The following LRMDA variants were observed in gnomAD, a reference collection of about 807,000 sequenced individuals.
LRMDA encodes the protein leucine rich melanocyte differentiation associated.
In LRMDA, 18 loss-of-function variants were observed where a neutral mutation model predicts 29.8. The ratio of observed to expected loss-of-function variants is 0.60; its 90% CI spans 0.42 to 0.90. The LOEUF (loss-of-function observed/expected upper bound fraction) is 0.90, where lower values mean the gene tolerates loss of function less well. LRMDA is among the 40% of genes least tolerant of loss of function. The pLI is 0.00. For missense variants in LRMDA, 273 were observed against 273.9 expected, an observed-to-expected ratio of 1.00 and a Z score of 0.02; for synonymous variants, 125 against 109.4, an observed-to-expected ratio of 1.14 and a Z score of -0.89.
At chr10:76,105,641 G>A (rs1849468665) in intron 5 of LRMDA, among the ~76,000 whole-genome samples, 1 of 152,194 alleles carries the variant, frequency 6.6e-6, no homozygotes, top group Non-Finnish European at 1.5e-5. Context: ...GCAACTGGAA[G>A]CGGCAAGGAT....
intron 2 of LRMDA, among the ~76,000 whole-genome samples, chr10:75,980,151 G>T (rs1405555497): frequency 6.6e-6 from 1 of 152,192 alleles, no homozygotes; most frequent in African/African-American, 2.4e-5. Context: ...AATTCGTGAT[G>T]GAGATTAAAG....
At chr10:75,808,159 A>G (rs1843891179) in intron 2 of LRMDA, among the ~76,000 whole-genome samples, 1 of 152,182 alleles carries the variant, frequency 6.6e-6, no homozygotes, top group Non-Finnish European at 1.5e-5. Flanking sequence ...AGAGCCGCAG[A>G]TGAGATGTCC....
chr10:75,558,219 A>T (rs1840241306), intron 2 of LRMDA, among the ~76,000 whole-genome samples: 1 of 151,422 alleles, frequency 6.6e-6, no homozygotes. Flanking sequence ...CTGCTAAAAA[A>T]CTTTTAGAAG....
At chr10:76,326,141 A>T (rs1402289549) in intron 6 of LRMDA, among the ~76,000 whole-genome samples, 1 of 152,224 alleles carries the variant, frequency 6.6e-6, no homozygotes, top group Non-Finnish European at 1.5e-5. Context: ...AGTCCATATC[A>T]TAAAATGACG....
At chr10:75,774,418 A>G (rs139162029) in intron 2 of LRMDA, among the ~76,000 whole-genome samples, 2 of 152,166 alleles carry the variant, frequency 1.3e-5, no homozygotes, top group African/African-American at 2.4e-5. Context: ...TTTTGGATTC[A>G]TAACAGTTCA....
chr10:76,098,359 C>A lies in LRMDA; in HGVS notation c.516+39576C>A, dbSNP rs532637499. 6.6e-5 allele frequency among the ~76,000 whole-genome samples: 10 copies of A among 152,252 alleles called. No individual in the cohort carries two copies. In the South Asian group the frequency reaches 1.9e-3, roughly 28 times the overall value. On this transcript the variant is annotated intron_variant, in intron 5 of 6. Coordinates refer to ENST00000611255, the MANE Select transcript of LRMDA (RefSeq NM_001305581.2). Reference sequence around the variant, plus strand: ...GTCAGAAGATTTTTAACTACAAATACAATTTCTTTAATTGGCAGAGGGCTA... The same window carrying A: ...GTCAGAAGATTTTTAACTACAAATAAAATTTCTTTAATTGGCAGAGGGCTA...
intron 5 of LRMDA, among the ~76,000 whole-genome samples, chr10:76,114,474 C>T (rs1849632470): frequency 6.6e-6 from 1 of 152,132 alleles, no homozygotes; most frequent in African/African-American, 2.4e-5. Context: ...TGAAAAAGGG[C>T]CCATCCTGGA....
intron 2 of LRMDA, among the ~76,000 whole-genome samples, chr10:75,983,643 G>A (rs1847212800): frequency 6.6e-6 from 1 of 152,044 alleles, no homozygotes; most frequent in Non-Finnish European, 1.5e-5. Flanking sequence ...ACGCGTACAT[G>A]TACGTCTCCA....
chr10:76,492,058 C>T (rs745891192), intron 6 of LRMDA, among the ~76,000 whole-genome samples: 1 of 152,008 alleles, frequency 6.6e-6, no homozygotes, highest in Non-Finnish European at 1.5e-5. Flanking sequence ...ACTTGAATCT[C>T]TTTGTTAAAT....
chr10:75,958,692 G>A (rs541524425), intron 2 of LRMDA, among the ~76,000 whole-genome samples: 1 of 152,180 alleles, frequency 6.6e-6, no homozygotes, highest in African/African-American at 2.4e-5. Flanking sequence ...TTGCTACTGG[G>A]TTGTATAGCT....
At chr10:76,355,674 A>G (rs772442481) in intron 6 of LRMDA, among the ~76,000 whole-genome samples, 1 of 152,142 alleles carries the variant, frequency 6.6e-6, no homozygotes. Context: ...TATTTGGTTG[A>G]GGGGCTGAGT....
intron 5 of LRMDA, chr10:76,242,094 C>T (rs2132286213): frequency 6.6e-6 from 1 of 152,202 alleles, no homozygotes; most frequent in Middle Eastern, 3.4e-3. Flanking sequence ...CACTGCTGAT[C>T]AGCACAGGAG....
intron 5 of LRMDA, among the ~76,000 whole-genome samples, chr10:76,170,412 A>G (rs902567315): frequency 6.6e-6 from 1 of 152,206 alleles, no homozygotes; most frequent in Non-Finnish European, 1.5e-5. Flanking sequence ...TCTAGGAAAT[A>G]TGGTAAATTT....
chr10:76,540,354 C>T (rs10824422), intron 6 of LRMDA, among the ~76,000 whole-genome samples: 62,748 of 152,068 alleles, frequency 0.41, 14,006 homozygotes, highest in African/African-American at 0.55. Context: ...GACATTGTCA[C>T]GTATTACTGG....
At chr10:76,065,600 A>T (rs1403431630) in intron 5 of LRMDA, among the ~76,000 whole-genome samples, 1 of 152,232 alleles carries the variant, frequency 6.6e-6, no homozygotes, top group Non-Finnish European at 1.5e-5. Flanking sequence ...TATCAAGAGG[A>T]TCATGGAAGT....
At chr10:76,279,526 A>G (rs1178831951) in intron 5 of LRMDA, among the ~76,000 whole-genome samples, 5 of 151,644 alleles carry the variant, frequency 3.3e-5, no homozygotes, top group Non-Finnish European at 5.9e-5. Context: ...TTAAAAACTA[A>G]TAACAAATGC....
intron 6 of LRMDA, among the ~76,000 whole-genome samples, chr10:76,338,437 T>G (rs1466879148): frequency 6.6e-6 from 1 of 152,086 alleles, no homozygotes; most frequent in African/African-American, 2.4e-5. Flanking sequence ...AGGAGTTCTC[T>G]AAGCACAGAG....
At chr10:76,361,241 A>G (rs943075746) in intron 6 of LRMDA, among the ~76,000 whole-genome samples, 2 of 151,456 alleles carry the variant, frequency 1.3e-5, no homozygotes, top group Admixed American at 1.3e-4. Flanking sequence ...AGCCTGGATG[A>G]CAGAGCGAGA....
At chr10:76,022,346 G>A (rs991072400) in intron 2 of LRMDA, among the ~76,000 whole-genome samples, 1 of 152,206 alleles carries the variant, frequency 6.6e-6, no homozygotes, top group African/African-American at 2.4e-5. Context: ...GTCCACCAGT[G>A]ATTGACTCAT....
Sources: allele counts gnomAD v4.1 joint callset (sites outside exome capture counted in the v4.1 genomes callset), GRCh38; gene constraint gnomAD v4.1.1; transcripts MANE v1.5; gene names NCBI Gene and HGNC (gene_info 2026-07-23, HGNC 2026-07-21).